Variants in MMP24 observed in about 807,000 individuals in gnomAD.
MMP24 encodes matrix metallopeptidase 24, also known as matrix metalloproteinase-24.
A neutral mutation model predicts 62.8 loss-of-function variants in MMP24; 25 were observed. The observed-to-expected ratio is 0.40, with a 90% CI of 0.29 to 0.56. The LOEUF (loss-of-function observed/expected upper bound fraction) is 0.56, where lower values mean the gene tolerates loss of function less well. MMP24 is among the 20% of genes least tolerant of loss of function. The pLI is 0.50. For synonymous variants in MMP24, 319 were observed against 350.5 expected (o/e 0.91, Z 1.00); for missense variants, 634 against 853.6 (o/e 0.74, Z 3.21).
rs555825399 is a variant in MMP24 at position 35,271,497 on chromosome 20, C to A, written c.1334-72C>A. ...GCTGAGGGCATCAGACTGTTTTCAC[C>A]TGACACCCTGAAGATGGGCAAACGG... On this transcript the variant is annotated intron_variant, in intron 7 of 8. Coordinates refer to ENST00000246186, the MANE Select transcript of MMP24 (RefSeq NM_006690.4). The surrounding 1 kb of genome is among the most constrained non-coding windows in gnomAD (Gnocchi z 4.0). 200 of 1,544,416 alleles carry A rather than the reference C, an allele frequency of 1.3e-4. No homozygotes were observed. Among genetic ancestry groups the A allele is most frequent in the Admixed American group, 4.0e-4 (21 of 52,926 alleles).
chr20:35,261,796 T>TA (rs2060604483), intron 4 of MMP24, among the ~76,000 whole-genome samples: 1 of 40,250 alleles, frequency 2.5e-5, no homozygotes, highest in Admixed American at 1.8e-4. Flanking sequence ...CAGGGCATCC[T>TA]TTTTTTTTTT....
At chr20:35,258,045 A>C (rs2060583540) in intron 4 of MMP24, among the ~76,000 whole-genome samples, 1 of 152,088 alleles carries the variant, frequency 6.6e-6, no homozygotes, top group Non-Finnish European at 1.5e-5. Flanking sequence ...CTTTTTTCTA[A>C]ACTCTCATTA....
rs1306005136 is a variant in MMP24, at chr20:35,267,451, G to GC, written c.1194+36dup. 2.6e-6 allele frequency: 4 copies of GC among 1,536,706 alleles called. No homozygotes were observed. The East Asian group carries it at 9.8e-5, about 38-fold the overall frequency. The stretch of plus-strand genomic sequence containing the variant: ...CCAATGGATTGGCACCACCCAGCTG[G>GC]CCCCTGACCTTTCCTCCTCCTCCCC... On this transcript the variant is annotated intron_variant, in intron 6 of 8. Coordinates refer to ENST00000246186, the MANE Select transcript of MMP24 (RefSeq NM_006690.4).
chr20:35,250,273 G>T (rs1247131889), intron 2 of MMP24, among the ~76,000 whole-genome samples: 3 of 152,126 alleles, frequency 2.0e-5, no homozygotes, highest in Non-Finnish European at 4.4e-5. Context: ...CATTTTAAAA[G>T]AATGTGCTGG....
rs1162476271 is a variant in MMP24, at chr20:35,274,435, C to T, written c.1764C>T (p.Asp588=). 6.2e-7 allele frequency: 1 copy of T among 1,614,004 alleles called. No individual in the cohort carries two copies. The part of the protein sequence containing the change: ...KERRLPQDDV[D]IMVTINDVPG... ...GGCGGCTGCCCCAGGACGACGTGGA[C>T]ATCATGGTGACCATCAACGATGTGC... The change falls in exon 9 of 9, where the codon GAC becomes GAT. Residue 588 remains aspartate, a synonymous_variant. Coordinates refer to ENST00000246186, the MANE Select transcript of MMP24 (RefSeq NM_006690.4). The surrounding 1 kb of genome is among the most constrained non-coding windows in gnomAD (Gnocchi z 5.1).
chr20:35,248,203 TGACGTAAGTCACTCCTG>T (rs1158999551), intron 2 of MMP24, among the ~76,000 whole-genome samples: 1 of 152,054 alleles, frequency 6.6e-6, no homozygotes. Flanking sequence ...AGGATCAATT[TGACGTAAGTCACTCCTG>T]GACAGAATCA....
intron 3 of MMP24, among the ~76,000 whole-genome samples, chr20:35,253,533 C>CT (rs1444937787): frequency 6.6e-6 from 1 of 152,106 alleles, no homozygotes; most frequent in Non-Finnish European, 1.5e-5. Context: ...CTTCTCTGGG[C>CT]TTCAGTTTCC....
intron 5 of MMP24, among the ~76,000 whole-genome samples, chr20:35,266,002 A>C (rs973656747): frequency 2.0e-5 from 3 of 151,762 alleles, no homozygotes; most frequent in Non-Finnish European, 4.4e-5. Flanking sequence ...TCTAATAAAA[A>C]AACACAGACA....
chr20:35,271,646 T>A lies in MMP24; in HGVS notation c.1411T>A (p.Leu471Met). The A allele has an allele frequency of 6.2e-7, 1 of 1,610,878 alleles. No homozygotes were observed. The highest frequency in any genetic ancestry group is 8.5e-7 in the Non-Finnish European group (1 of 1,178,700). ...PHSLGELGSC[L>M]PREGIDTALR... ...CAGCCTGGGGGAGCTGGGCAGCTGTTTGCCCCGTGAAGGCATTGACACAGC... is the reference window on the plus strand; with the variant it reads ...CAGCCTGGGGGAGCTGGGCAGCTGTATGCCCCGTGAAGGCATTGACACAGC... The change falls in exon 8 of 9, where the codon TTG becomes ATG. Residue 471 changes from leucine to methionine, a missense_variant. Leu to Met is a conservative substitution (Grantham distance 15). This residue lies in a region of MMP24 where 399 missense variants were observed against 530.8 expected (regional missense o/e 0.75). Transcript: ENST00000246186. This position sits in a 1 kb window ranked among gnomAD's most constrained non-coding sequence, Gnocchi z 4.0.
rs540283419 is a variant in MMP24, at chr20:35,237,083, G to A, written c.247-9757G>A. ...TTCTTTCCAAGGAGTATGGGAGCAG[G>A]AATAGACAATAACATTGTACGAACA... On this transcript the variant is annotated intron_variant, in intron 1 of 8. Transcript: ENST00000246186. Among the ~76,000 whole-genome samples, 8 of 152,106 alleles carry A rather than the reference G, an allele frequency of 5.3e-5. No homozygotes were observed. In the South Asian group the frequency reaches 1.7e-3, roughly 32 times the overall value.
chr20:35,269,956 T>C lies in MMP24; in HGVS notation c.1333+58T>C. On this transcript the variant is annotated intron_variant, in intron 7 of 8. Transcript: ENST00000246186. This position sits in a 1 kb window ranked among gnomAD's most constrained non-coding sequence, Gnocchi z 4.6. ...GCCCAAGGTCTTGGGACCTCCTTTT[T>C]CCCATCTAAACTGGAAGAGGCGGGG... 1 of 1,544,028 alleles carries C rather than the reference T, an allele frequency of 6.5e-7. No homozygotes were observed. The highest frequency in any genetic ancestry group is 8.8e-7 in the Non-Finnish European group (1 of 1,142,138).
chr20:35,271,427 T>C lies in MMP24; in HGVS notation c.1334-142T>C. 9.4e-7 allele frequency: 1 copy of C among 1,069,024 alleles called. No homozygotes were observed. Among genetic ancestry groups the C allele is most frequent in the Non-Finnish European group, 1.3e-6 (1 of 751,174 alleles). 66.2% of individuals were successfully genotyped at this position (1,069,024 alleles called of 1,614,324 possible). ...AGGCAAGTTGTCCAGGATCTGTGAC[T>C]GGCCTCAGGCTTCGTGCCCTTCCCA... On this transcript the variant is annotated intron_variant, in intron 7 of 8. Transcript: ENST00000246186. The surrounding 1 kb of genome is among the most constrained non-coding windows in gnomAD (Gnocchi z 4.0).
intron 1 of MMP24, among the ~76,000 whole-genome samples, chr20:35,229,775 G>A (rs1265666263): frequency 6.6e-6 from 1 of 151,956 alleles, no homozygotes; most frequent in Non-Finnish European, 1.5e-5. Flanking sequence ...CCCTTAGACA[G>A]GCTGCCCATA....
chr20:35,264,736 A>G (rs1230571913), intron 5 of MMP24, among the ~76,000 whole-genome samples: 1 of 149,192 alleles, frequency 6.7e-6, no homozygotes, highest in Non-Finnish European at 1.5e-5. Context: ...AAAAAAAAAA[A>G]AAGAAAGAAA....
chr20:35,234,709 G>A (rs1186694837), intron 1 of MMP24, among the ~76,000 whole-genome samples: 1 of 152,228 alleles, frequency 6.6e-6, no homozygotes, highest in Admixed American at 6.5e-5. Context: ...TGGGGTACTT[G>A]AGGTGAGCAA....
At chr20:35,259,313 G>A (rs532994442) in intron 4 of MMP24, among the ~76,000 whole-genome samples, 4 of 152,184 alleles carry the variant, frequency 2.6e-5, no homozygotes, top group Non-Finnish European at 4.4e-5. Flanking sequence ...CAGGTGGTCC[G>A]AGTATTTCCC....
At chr20:35,251,767 A>C (rs2060548235) in intron 2 of MMP24, 138 bp from the exon 3 acceptor site, 1 of 657,632 alleles carries the variant, frequency 1.5e-6, no homozygotes, top group Admixed American at 2.6e-5. Flanking sequence ...GTTGGGGTCC[A>C]TCCAAGCCAG....
chr20:35,264,076 G>C (rs1001014902), intron 5 of MMP24, 124 bp downstream of exon 5: 2 of 1,106,580 alleles, frequency 1.8e-6, no homozygotes, highest in Non-Finnish European at 2.5e-6. Flanking sequence ...CTGTTTCTCT[G>C]TGTGTGACCT....
intron 6 of MMP24, among the ~76,000 whole-genome samples, chr20:35,268,377 G>C (rs1435248193): frequency 6.6e-6 from 1 of 152,184 alleles, no homozygotes; most frequent in East Asian, 1.9e-4. Flanking sequence ...ACAGGATGGT[G>C]AAAGAGGCTG....
Sources: gnomAD v4.1 joint callset for allele counts (sites outside exome capture counted in the v4.1 genomes callset) on GRCh38, gnomAD v4.1.1 for gene constraint, gnomAD v4.1.1 regional missense constraint, Gnocchi (gnomAD v3.1) non-coding constraint, MANE v1.5 for transcripts, NCBI Gene and HGNC (gene_info 2026-07-23, HGNC 2026-07-21) for gene names.